RAB27B: variants seen among roughly 807,000 people sequenced by gnomAD.
RAB27B encodes ras-related protein Rab-27B.
In RAB27B, 15 loss-of-function variants were observed where a neutral mutation model predicts 24.6. The observed-to-expected ratio is 0.61, with a 90% CI of 0.41 to 0.94. The LOEUF (loss-of-function observed/expected upper bound fraction) is 0.94. Among genes scored for constraint, RAB27B ranks in the 40% least tolerant of loss-of-function variants. The probability of loss-of-function intolerance (pLI) is 0.00; values close to 1 mark genes in which losing one functional copy is unlikely to be tolerated. For missense variants in RAB27B, 261 were observed against 266.8 expected (o/e 0.98, Z 0.15); for synonymous variants, 105 against 92.5 (o/e 1.14, Z -0.78).
In RAB27B at chr18:54,879,407, A is replaced by G; in HGVS notation, c.192A>G (p.Lys64=). 3.1e-6 allele frequency: 5 copies of G among 1,613,140 alleles called. No homozygotes were observed. Among genetic ancestry groups the G allele is most frequent in the Non-Finnish European group, 4.2e-6 (5 of 1,179,182 alleles). The change falls in exon 3 of 6, where the codon AAA becomes AAG. Residue 64 remains lysine (K), a synonymous_variant. Transcript: ENST00000262094. The part of the protein sequence containing the change: ...NAQGPNGSSG[K]AFKVHLQLWD... ...AAGGACCGAATGGATCTTCAGGGAA[A>G]GCATTTAAAGTGCATCTTCAGCTTT...
intron 2 of RAB27B, among the ~76,000 whole-genome samples, chr18:54,823,163 A>G (rs1357045334): frequency 1.3e-5 from 2 of 152,244 alleles, no homozygotes; most frequent in Admixed American, 1.3e-4. Flanking sequence ...AAGCATGTAT[A>G]TATTTCTCAA....
chr18:54,883,631 C>G (rs1274363849), intron 3 of RAB27B, among the ~76,000 whole-genome samples: 1 of 152,062 alleles, frequency 6.6e-6, no homozygotes, highest in Non-Finnish European at 1.5e-5. Flanking sequence ...CAGGGAAAAA[C>G]TTTGCATTGC....
At chr18:54,854,110 T>A (rs1173678434) in intron 1 of RAB27B, among the ~76,000 whole-genome samples, 1 of 152,212 alleles carries the variant, frequency 6.6e-6, no homozygotes, top group Non-Finnish European at 1.5e-5. Flanking sequence ...CAGAGAGGTT[T>A]CTTCCAGGTT....
intron 2 of RAB27B, among the ~76,000 whole-genome samples, chr18:54,805,532 A>G (rs765981937): frequency 5.9e-5 from 9 of 152,172 alleles, no homozygotes; most frequent in Non-Finnish European, 8.8e-5. Flanking sequence ...AATTTTCTCT[A>G]TATACTTAGA....
intron 1 of RAB27B, among the ~76,000 whole-genome samples, chr18:54,864,784 ACT>A (rs1912146314): frequency 1.3e-5 from 2 of 152,070 alleles, no homozygotes; most frequent in African/African-American, 2.4e-5. Context: ...CCAGTGCTAC[ACT>A]CTCTTGATTA....
intron 3 of RAB27B, among the ~76,000 whole-genome samples, chr18:54,883,950 G>T (rs1477258260): frequency 2.0e-5 from 3 of 151,920 alleles, no homozygotes; most frequent in African/African-American, 7.3e-5. Context: ...CTTTCTTCTG[G>T]GCACAGACAA....
intron 2 of RAB27B, among the ~76,000 whole-genome samples, chr18:54,738,473 T>C (rs1426380414): frequency 6.6e-6 from 1 of 152,164 alleles, no homozygotes; most frequent in Non-Finnish European, 1.5e-5. Flanking sequence ...CCTCTCTTGC[T>C]GTCTCTCTCA....
chr18:54,872,680 G>A lies in RAB27B; in HGVS notation c.-19-4887G>A, dbSNP rs370447173. Among the ~76,000 whole-genome samples the A allele has an allele frequency of 2.0e-5, 3 of 151,272 alleles. No homozygotes were observed. The East Asian group carries it at 5.8e-4, about 29-fold the overall frequency. On this transcript the variant is annotated intron_variant, in intron 1 of 5. Transcript: ENST00000262094. The stretch of plus-strand genomic sequence containing the variant: ...GAACTCAGGAAGCTAGACCTGGAAA[G>A]CAATACAGTGAGTCTTTAATCTAAA...
At chr18:54,852,595 T>A (rs976876324) in intron 1 of RAB27B, among the ~76,000 whole-genome samples, 10 of 152,212 alleles carry the variant, frequency 6.6e-5, no homozygotes, top group South Asian at 2.1e-4. Context: ...TGATCTGTAT[T>A]AAAGCCTTTA....
At position 54,886,918 on chromosome 18, in the gene RAB27B, C is replaced by A. The variant is rs568102145; in HGVS notation, c.344-1077C>A. On this transcript the variant is annotated intron_variant, in intron 4 of 5. Coordinates refer to ENST00000262094, the MANE Select transcript of RAB27B (RefSeq NM_004163.4). Reference sequence around the variant, plus strand: ...TAGACATTAGAGCAGCCTCTGTAACCTCAAAAACACAGCTTGACAGGTTTC... The same window carrying A: ...TAGACATTAGAGCAGCCTCTGTAACATCAAAAACACAGCTTGACAGGTTTC... 4.0e-5 allele frequency among the ~76,000 whole-genome samples: 6 copies of A among 151,858 alleles called. No individual in the cohort carries two copies. In the South Asian group the frequency reaches 1.3e-3, roughly 32 times the overall value.
In RAB27B at chr18:54,852,704, A is replaced by T. The variant is rs562968514; in HGVS notation, c.-20+24004A>T. 2.2e-4 allele frequency among the ~76,000 whole-genome samples: 34 copies of T among 152,328 alleles called. No homozygotes were observed. In the South Asian group the frequency reaches 5.6e-3, roughly 25 times the overall value. On this transcript the variant is annotated intron_variant, in intron 1 of 5. Coordinates refer to ENST00000262094, the MANE Select transcript of RAB27B (RefSeq NM_004163.4). ...AAATAGTTGAAAGGATATAATTATAAGTTGTGATTTCAGGGGAAAGGAAGT... is the reference window on the plus strand; with the variant it reads ...AAATAGTTGAAAGGATATAATTATATGTTGTGATTTCAGGGGAAAGGAAGT...
intron 2 of RAB27B, among the ~76,000 whole-genome samples, chr18:54,752,512 A>G (rs1907866218): frequency 6.6e-6 from 1 of 152,240 alleles, no homozygotes; most frequent in African/African-American, 2.4e-5. Context: ...AATTGAATAA[A>G]ATAGGGAATG....
intron 2 of RAB27B, among the ~76,000 whole-genome samples, chr18:54,767,578 C>T (rs968262484): frequency 2.6e-5 from 4 of 152,022 alleles, no homozygotes; most frequent in African/African-American, 9.7e-5. Flanking sequence ...AAATCACTGC[C>T]CTTTTGTGTT....
intron 1 of RAB27B, among the ~76,000 whole-genome samples, chr18:54,846,182 A>ACAT: frequency 1.3e-5 from 2 of 152,358 alleles, no homozygotes; most frequent in Non-Finnish European, 2.9e-5. Context: ...ATACATAGAT[A>ACAT]AGTTTCGTTC....
At chr18:54,870,522 A>C in intron 1 of RAB27B, among the ~76,000 whole-genome samples, 1 of 152,188 alleles carries the variant, frequency 6.6e-6, no homozygotes, top group East Asian at 1.9e-4. Flanking sequence ...AAAGTGGATA[A>C]GAAAACACAA....
intron 1 of RAB27B, among the ~76,000 whole-genome samples, chr18:54,830,394 C>T (rs956654467): frequency 6.6e-6 from 1 of 152,210 alleles, no homozygotes; most frequent in Admixed American, 6.5e-5. Flanking sequence ...ATCAGTACGG[C>T]ATGAAATATA....
At chr18:54,744,640 A>G (rs1309990881) in intron 2 of RAB27B, 1 of 152,270 alleles carries the variant, frequency 6.6e-6, no homozygotes, top group Non-Finnish European at 1.5e-5. Context: ...ATTATGTACA[A>G]TAATTATGTG....
intron 1 of RAB27B, among the ~76,000 whole-genome samples, chr18:54,864,292 A>G (rs1048069501): frequency 2.6e-5 from 4 of 152,154 alleles, no homozygotes; most frequent in African/African-American, 7.2e-5. Context: ...TACCATTTAT[A>G]TGTAGTCTTT....
chr18:54,740,829 A>C (rs964365220), intron 2 of RAB27B, among the ~76,000 whole-genome samples: 1 of 152,228 alleles, frequency 6.6e-6, no homozygotes, highest in Non-Finnish European at 1.5e-5. Context: ...ATAGATAGAT[A>C]GATGATAGAT....
Sources: allele counts gnomAD v4.1 joint callset (sites outside exome capture counted in the v4.1 genomes callset), GRCh38; gene constraint gnomAD v4.1.1; transcripts MANE v1.5; gene names NCBI Gene and HGNC (gene_info 2026-07-23, HGNC 2026-07-21).